Variants in VIT observed in about 807,000 individuals in gnomAD.
The protein encoded by VIT is vitrin.
VIT carries 99 observed loss-of-function variants against 78.0 expected under a neutral mutation model. The observed-to-expected ratio is 1.27, with a 90% CI of 1.08 to 1.50. The LOEUF (loss-of-function observed/expected upper bound fraction) is 1.50. Among genes scored for constraint, VIT ranks in the 40% most tolerant of loss-of-function variants. The pLI is 0.00. For synonymous variants in VIT, 374 were observed against 334.3 expected (o/e 1.12, Z -1.29); for missense variants, 1,126 against 875.3 (o/e 1.29, Z -3.61).
At chr2:36,795,974 G>A (rs996506430) in intron 12 of VIT, among the ~76,000 whole-genome samples, 2 of 152,056 alleles carry the variant, frequency 1.3e-5, no homozygotes, top group African/African-American at 4.8e-5. Context: ...ATAATTTGGT[G>A]CATTCAGAAA....
rs754602240 is a variant in VIT, at chr2:36,805,485, G to T, written c.1210G>T (p.Gly404Ter). The change falls in exon 14 of 16, where the codon GGA (glycine) becomes TGA (stop). Residue 404 changes from glycine (G) to a stop codon, truncating the protein, a stop_gained. Coordinates refer to ENST00000379242, the MANE Select transcript of VIT (RefSeq NM_053276.4). LOFTEE classifies it high-confidence loss of function. Reference protein sequence around the residue: ...VTKNFFSKANGNRSGAPNVVV... With the variant: ...VTKNFFSKAN ...CAAGAACTTCTTTTCCAAAGCCAAT[G>T]GAAACAGAAGCGGGGCTCCCAATGT... is the stretch of plus-strand genomic sequence containing the variant. The T allele has an allele frequency of 1.2e-6, 2 of 1,613,612 alleles. No individual in the cohort carries two copies. The highest frequency in any genetic ancestry group is 1.3e-5 in the African/African-American group (1 of 74,856).
At chr2:36,776,663 T>C (rs560194006) in intron 9 of VIT, among the ~76,000 whole-genome samples, 1 of 151,922 alleles carries the variant, frequency 6.6e-6, no homozygotes, top group South Asian at 2.1e-4. Flanking sequence ...GAGCCGGTGG[T>C]GCGTGCCTGT....
chr2:36,714,544 G>C (rs544373513), intron 1 of VIT, among the ~76,000 whole-genome samples: 1 of 152,252 alleles, frequency 6.6e-6, no homozygotes, highest in East Asian at 1.9e-4. Flanking sequence ...CTGGAGGGAG[G>C]GGGGATATAG....
rs141741229 is a variant in VIT at position 36,759,888 on chromosome 2, A to G, written c.487+842A>G. ...AATCACCGTAGACCACCATCGGCCT[A>G]TACTATTACTCTGGCTGAGGAAAAT... On this transcript the variant is annotated intron_variant, in intron 6 of 15. Coordinates refer to ENST00000379242, the MANE Select transcript of VIT (RefSeq NM_053276.4). Among the ~76,000 whole-genome samples, 1,369 of 152,326 alleles carry G rather than the reference A, an allele frequency of 9.0e-3. 20 individuals carry two copies. The highest frequency in any genetic ancestry group is 0.031 in the African/African-American group (1,288 of 41,562).
At chr2:36,713,422 A>G (rs1450427179) in intron 1 of VIT, among the ~76,000 whole-genome samples, 1 of 152,220 alleles carries the variant, frequency 6.6e-6, no homozygotes, top group East Asian at 1.9e-4. Flanking sequence ...CGGAGGCCAA[A>G]TCAAGCAGGG....
chr2:36,801,224 A>G (rs1191228185), intron 12 of VIT, 77 bp from the exon 13 acceptor site: 1 of 1,310,470 alleles, frequency 7.6e-7, no homozygotes, highest in East Asian at 2.3e-5. Context: ...TATATAAAAG[A>G]ATCAACCATG....
Position 36,755,039 on chromosome 2 carries a change from T to C in VIT, c.394T>C (p.Ser132Pro). ...GTTATCCCTACCACGATGGAGAGAA[T>C]CCTTTATCGTCTTAGGTATGACCAC... ...QSLSLPRWRE[S>P]FIVLESKPKK... Residue 132 changes from serine (S) to proline (P), a missense_variant, in exon 5 of 16, where the codon TCC becomes CCC. Physicochemically the swap from Ser to Pro is moderately conservative, Grantham distance 74. Transcript: ENST00000379242. 6.2e-7 allele frequency: 1 copy of C among 1,614,062 alleles called. No homozygotes were observed. Among genetic ancestry groups the C allele is most frequent in the Non-Finnish European group, 8.5e-7 (1 of 1,179,978 alleles).
At chr2:36,770,357 A>C (rs1669673346) in intron 7 of VIT, among the ~76,000 whole-genome samples, 1 of 152,210 alleles carries the variant, frequency 6.6e-6, no homozygotes, top group Non-Finnish European at 1.5e-5. Flanking sequence ...CTGATACAAC[A>C]CATGGGAACT....
chr2:36,720,619 C>G (rs192708044), intron 2 of VIT, among the ~76,000 whole-genome samples: 26 of 152,160 alleles, frequency 1.7e-4, no homozygotes, highest in African/African-American at 6.3e-4. Flanking sequence ...CATACTGTAT[C>G]GAATCTACAA....
intron 1 of VIT, among the ~76,000 whole-genome samples, chr2:36,699,352 C>T (rs895989778): frequency 6.6e-6 from 1 of 152,100 alleles, no homozygotes; most frequent in African/African-American, 2.4e-5. Context: ...AGGAAAATTT[C>T]ACTGTTGAGA....
rs759055318 is a variant in VIT at position 36,743,203 on chromosome 2, T to A, written c.222T>A (p.Tyr74Ter). ...GCCAAGACCCCAAATACCATGTTTA[T>A]GGCACTGACGTGTATGCATCCTACT... is the stretch of plus-strand genomic sequence containing the variant. ...AGCQDPKYHV[Y>*]GTDVYASYSS... is the part of the protein sequence containing the mutation. The change falls in exon 4 of 16, where the codon TAT becomes TAA. Residue 74 changes from tyrosine (Y) to a stop codon, truncating the protein, a stop_gained. Transcript: ENST00000379242. LOFTEE classifies it high-confidence loss of function. 1.2e-6 allele frequency: 2 copies of A among 1,614,100 alleles called. No homozygotes were observed. The highest frequency in any genetic ancestry group is 1.7e-6 in the Non-Finnish European group (2 of 1,179,960).
chr2:36,787,011 C>A lies in VIT; in HGVS notation c.911-118C>A, dbSNP rs1374973915. On this transcript the variant is annotated intron_variant, in intron 11 of 15. Coordinates refer to ENST00000379242, the MANE Select transcript of VIT (RefSeq NM_053276.4). ...AAATATACCCTGCATCTTCCTACCTCTTTTTCCCTTTCTTTTCATTTCTCA... is the reference window on the plus strand; with the variant it reads ...AAATATACCCTGCATCTTCCTACCTATTTTTCCCTTTCTTTTCATTTCTCA... 2.3e-6 allele frequency: 3 copies of A among 1,330,568 alleles called. No homozygotes were observed. In the African/African-American group the frequency reaches 4.4e-5, roughly 19 times the overall value. 82.4% of individuals were successfully genotyped at this position (1,330,568 alleles called of 1,614,324 possible). A position where few individuals can be genotyped will look rare whatever the true frequency, so the allele number is the denominator to read the frequency against.
At chr2:36,793,147 G>A (rs1665625217) in intron 12 of VIT, among the ~76,000 whole-genome samples, 1 of 152,174 alleles carries the variant, frequency 6.6e-6, no homozygotes, top group African/African-American at 2.4e-5. Context: ...TGATGTGGTT[G>A]CAGATTAGCA....
At chr2:36,810,505 GATAATA>G (rs1231132799) in intron 15 of VIT, among the ~76,000 whole-genome samples, 1 of 152,080 alleles carries the variant, frequency 6.6e-6, no homozygotes. Context: ...AACCCCAAGT[GATAATA>G]ATAATACTAC....
intron 1 of VIT, among the ~76,000 whole-genome samples, chr2:36,703,909 G>T (rs571255172): frequency 1.4e-3 from 164 of 116,516 alleles, no homozygotes; most frequent in African/African-American, 2.8e-3. Context: ...TTTGTTTGGG[G>T]TTTTTTTTTG....
chr2:36,785,321 A>AAC (rs1334982509), intron 11 of VIT, among the ~76,000 whole-genome samples: 1 of 152,134 alleles, frequency 6.6e-6, no homozygotes, highest in Non-Finnish European at 1.5e-5. Context: ...GAGTCTAGCA[A>AAC]ACTGTAGGTG....
At chr2:36,721,337 G>A (rs750521312) in intron 2 of VIT, among the ~76,000 whole-genome samples, 3 of 152,068 alleles carry the variant, frequency 2.0e-5, no homozygotes, top group East Asian at 1.9e-4. Flanking sequence ...GGAAGCTTGC[G>A]TTCACATAGT....
chr2:36,791,908 A>G (rs570635955), intron 12 of VIT, among the ~76,000 whole-genome samples: 6 of 151,624 alleles, frequency 4.0e-5, no homozygotes, highest in African/African-American at 1.5e-4. Context: ...AACGAGGACC[A>G]CTCTGTCTCA....
chr2:36,749,182 A>G (rs533329906), intron 4 of VIT, among the ~76,000 whole-genome samples: 4 of 152,204 alleles, frequency 2.6e-5, no homozygotes, highest in Non-Finnish European at 5.9e-5. Flanking sequence ...TTCTACCTGT[A>G]TGTGCTGAGC....
Sources: allele counts gnomAD v4.1 joint callset (sites outside exome capture counted in the v4.1 genomes callset), GRCh38; gene constraint gnomAD v4.1.1; transcripts MANE v1.5; gene names NCBI Gene and HGNC (gene_info 2026-07-23, HGNC 2026-07-21).